UMAD1: variants seen among roughly 807,000 people sequenced by gnomAD.
UMAD1 encodes the protein UBAP1-MVB12-associated (UMA) domain containing 1.
In UMAD1, 8 loss-of-function variants were observed where a neutral mutation model predicts 6.1. That is an observed-to-expected ratio of 1.30 (90% CI 0.76 to 2.35). The LOEUF (loss-of-function observed/expected upper bound fraction) is 2.35. Among genes scored for constraint, UMAD1 ranks in the 30% most tolerant of loss-of-function variants. The pLI is 0.00. For missense variants in UMAD1, 130 were observed against 78.4 expected (o/e 1.66, Z -2.49); for synonymous variants, 56 against 31.4 (o/e 1.78, Z -2.61).
At chr7:7,674,231 C>T (rs1779683502) in intron 2 of UMAD1, among the ~76,000 whole-genome samples, 1 of 152,208 alleles carries the variant, frequency 6.6e-6, no homozygotes, top group Admixed American at 6.5e-5. Context: ...ATGGTCTTCA[C>T]TCCCTGGAAT....
At chr7:7,774,117 A>G (rs1227140091) in intron 2 of UMAD1, among the ~76,000 whole-genome samples, 3 of 152,168 alleles carry the variant, frequency 2.0e-5, no homozygotes. Context: ...AGGTGCACCA[A>G]AATCTTCTTC....
intron 2 of UMAD1, among the ~76,000 whole-genome samples, chr7:7,763,911 A>G (rs1469919781): frequency 6.6e-6 from 1 of 152,258 alleles, no homozygotes; most frequent in Non-Finnish European, 1.5e-5. Flanking sequence ...ATTGGAAATG[A>G]AGTATGTCAA....
rs568919729 is a variant in UMAD1, at chr7:7,754,166, CAA to C, written c.83-47503_83-47502del. On this transcript the variant is annotated intron_variant, in intron 2 of 3. Coordinates refer to ENST00000682710, the MANE Select transcript of UMAD1 (RefSeq NM_001302348.2). ...CGCCATTGCACTCCAGCCTGGGTGA[CAA>C]GAGCAAGACTCCGTCTCAAAAAAGA... 4.0e-5 allele frequency among the ~76,000 whole-genome samples: 6 copies of C among 151,866 alleles called. No individual in the cohort carries two copies. In the East Asian group the frequency reaches 5.8e-4, roughly 15 times the overall value.
At chr7:7,641,411 G>T (rs940675287) in intron 1 of UMAD1, 20 of 152,274 alleles carry the variant, frequency 1.3e-4, no homozygotes, top group African/African-American at 4.8e-4. Flanking sequence ...CTTCTGAGGC[G>T]TGTTTTCCCC....
intron 2 of UMAD1, among the ~76,000 whole-genome samples, chr7:7,754,149 C>T (rs1285748873): frequency 1.3e-5 from 2 of 151,966 alleles, no homozygotes; most frequent in East Asian, 1.9e-4. Context: ...TGCGCCATTG[C>T]ACTCCAGCCT....
intron 3 of UMAD1, among the ~76,000 whole-genome samples, chr7:7,835,352 CTTTTATATGACAT>C (rs1783544758): frequency 7.1e-6 from 1 of 141,772 alleles, no homozygotes; most frequent in Admixed American, 7.1e-5. Context: ...TTTGCTGTCA[CTTTTATATGACAT>C]TTTCATTGTA....
chr7:7,802,818 A>C (rs945149600), intron 3 of UMAD1, among the ~76,000 whole-genome samples: 4 of 152,236 alleles, frequency 2.6e-5, no homozygotes, highest in Admixed American at 2.6e-4. Context: ...TTAAATGAAT[A>C]AGTCAGTACA....
At chr7:7,779,403 C>G (rs182530400) in intron 2 of UMAD1, among the ~76,000 whole-genome samples, 15 of 152,170 alleles carry the variant, frequency 9.9e-5, no homozygotes, top group African/African-American at 3.4e-4. Flanking sequence ...GTAGCTGGGA[C>G]TACAGGTGTT....
chr7:7,651,909 GTCC>G (rs1199434698), intron 1 of UMAD1, among the ~76,000 whole-genome samples: 2 of 152,078 alleles, frequency 1.3e-5, no homozygotes, highest in African/African-American at 4.8e-5. Context: ...GTTTTACAGA[GTCC>G]TCCTTGGGCA....
chr7:7,878,720 A>T lies in UMAD1; in HGVS notation c.*1182A>T, dbSNP rs1784472408. 1 of 152,210 alleles carries T rather than the reference A, an allele frequency of 6.6e-6. No individual in the cohort carries two copies. Among genetic ancestry groups the T allele is most frequent in the Admixed American group, 6.5e-5 (1 of 15,284 alleles). The allele number at this position is 152,210 out of a possible 1,614,324, so 9.4% of individuals were successfully genotyped here. A position where few individuals can be genotyped will look rare whatever the true frequency, so the allele number is the denominator to read the frequency against. On this transcript the variant is annotated 3_prime_UTR_variant, in exon 4 of 4. Coordinates refer to ENST00000682710, the MANE Select transcript of UMAD1 (RefSeq NM_001302348.2). ...ATAGAGTGCCATAGTGAAACTAAACACTGTGCATAAAGGTACATGAATTAT... is the reference window on the plus strand; with the variant it reads ...ATAGAGTGCCATAGTGAAACTAAACTCTGTGCATAAAGGTACATGAATTAT...
intron 3 of UMAD1, among the ~76,000 whole-genome samples, chr7:7,825,388 G>A (rs1046715264): frequency 1.3e-5 from 2 of 152,108 alleles, no homozygotes; most frequent in African/African-American, 2.4e-5. Context: ...ACCTGAGACT[G>A]GGCATTTTAC....
At chr7:7,780,913 T>G (rs1480811152) in intron 2 of UMAD1, among the ~76,000 whole-genome samples, 1 of 152,218 alleles carries the variant, frequency 6.6e-6, no homozygotes, top group Non-Finnish European at 1.5e-5. Flanking sequence ...TTAATTAACT[T>G]ATTAATTACC....
chr7:7,666,606 A>AT (rs1779465106), intron 1 of UMAD1, among the ~76,000 whole-genome samples: 1 of 151,886 alleles, frequency 6.6e-6, no homozygotes, highest in African/African-American at 2.4e-5. Context: ...GATATGGGTC[A>AT]TTTTCCTTGT....
intron 3 of UMAD1, among the ~76,000 whole-genome samples, chr7:7,817,291 C>T (rs1005004836): frequency 1.3e-5 from 2 of 152,134 alleles, no homozygotes; most frequent in Admixed American, 1.3e-4. Context: ...AGTGGGGATT[C>T]GGGTTGACTC....
At chr7:7,719,049 C>T (rs1780989240) in intron 2 of UMAD1, among the ~76,000 whole-genome samples, 1 of 151,358 alleles carries the variant, frequency 6.6e-6, no homozygotes, top group Non-Finnish European at 1.5e-5. Flanking sequence ...TTGGAGATGA[C>T]ATAACTTTCC....
intron 2 of UMAD1, among the ~76,000 whole-genome samples, chr7:7,744,227 CTA>C (rs1781526830): frequency 6.6e-6 from 1 of 152,256 alleles, no homozygotes; most frequent in Non-Finnish European, 1.5e-5. Context: ...CAAGACCTCT[CTA>C]TGTTGGAGCA....
chr7:7,727,057 A>G (rs1397890332), intron 2 of UMAD1, among the ~76,000 whole-genome samples: 3 of 152,052 alleles, frequency 2.0e-5, no homozygotes, highest in Admixed American at 2.0e-4. Flanking sequence ...GGGTCACTCC[A>G]TCTGGAAAAA....
chr7:7,777,295 A>G (rs1191629046), intron 2 of UMAD1, among the ~76,000 whole-genome samples: 1 of 151,888 alleles, frequency 6.6e-6, no homozygotes, highest in Non-Finnish European at 1.5e-5. Flanking sequence ...TCACAAGGCC[A>G]GGAGTTCAAG....
chr7:7,701,873 A>G (rs1178248996), intron 2 of UMAD1, among the ~76,000 whole-genome samples: 4 of 152,068 alleles, frequency 2.6e-5, no homozygotes, highest in Non-Finnish European at 5.9e-5. Context: ...GTCTCCATTT[A>G]TCTTTCCTAA....
Sources: allele counts gnomAD v4.1 joint callset (sites outside exome capture counted in the v4.1 genomes callset), GRCh38; gene constraint gnomAD v4.1.1; transcripts MANE v1.5; gene names NCBI Gene and HGNC (gene_info 2026-07-23, HGNC 2026-07-21).